The following RAPGEFL1 variants were observed in gnomAD, a reference collection of about 807,000 sequenced individuals.
The protein encoded by RAPGEFL1 is rap guanine nucleotide exchange factor-like 1.
Under a neutral mutation model 64.4 loss-of-function variants are expected in RAPGEFL1, and 31 were observed. That is an observed-to-expected ratio of 0.48 (90% CI 0.36 to 0.65). The LOEUF (loss-of-function observed/expected upper bound fraction) is 0.65. Among genes scored for constraint, RAPGEFL1 ranks in the 30% least tolerant of loss-of-function variants. The pLI, the probability that RAPGEFL1 is intolerant of heterozygous loss-of-function variation, is 0.00. For missense variants in RAPGEFL1, 682 were observed against 677.4 expected, an observed-to-expected ratio of 1.01 and a Z score of -0.08; for synonymous variants, 331 against 274.1, an observed-to-expected ratio of 1.21 and a Z score of -2.05.
Position 40,194,232 on chromosome 17 carries a change from C to CGTGT in RAPGEFL1, c.*499_*502dup, listed in dbSNP as rs56205991. ...GGGACCCCCAGGAATATTATGTTGC[C>CGTGT]GTGTGTGTGTGTGTGTGTGTGTGTG... On this transcript the variant is annotated 3_prime_UTR_variant, in exon 15 of 15. Transcript: ENST00000620260. 0.025 allele frequency: 3,067 copies of CGTGT among 125,034 alleles called. 118 individuals carry two copies. Among genetic ancestry groups the CGTGT allele is most frequent in the Non-Finnish European group, 0.027 (1,747 of 64,104 alleles). The allele number at this position is 125,034 out of a possible 1,614,324, so 7.7% of individuals were successfully genotyped here. A position where few individuals can be genotyped will look rare whatever the true frequency, so the allele number is the denominator to read the frequency against.
At chr17:40,190,365 A>G in intron 6 of RAPGEFL1, 69 bp from the exon 7 acceptor site, 1 of 1,348,640 alleles carries the variant, frequency 7.4e-7, no homozygotes, top group South Asian at 1.2e-5. Flanking sequence ...TGGATAGGAC[A>G]GTGTCAGTGT....
Position 40,191,287 on chromosome 17 carries a change from T to C in RAPGEFL1, c.1336-29T>C, listed in dbSNP as rs1471080164. 5 of 1,380,764 alleles carry C rather than the reference T, an allele frequency of 3.6e-6. No individual in the cohort carries two copies. The African/African-American group carries it at 7.5e-5, about 21-fold the overall frequency. 85.5% of individuals were successfully genotyped at this position (1,380,764 alleles called of 1,614,324 possible). A position where few individuals can be genotyped will look rare whatever the true frequency, so the allele number is the denominator to read the frequency against. On this transcript the variant is annotated intron_variant, in intron 8 of 14. Transcript: ENST00000620260. This position sits in a 1 kb window ranked among gnomAD's most constrained non-coding sequence, Gnocchi z 5.1. ...CCACTCCCCTCACCCCCTGGCGCCC[T>C]GGCCGCCCCTCCGCTGCCGTGGGTG... is the stretch of plus-strand genomic sequence containing the variant.
chr17:40,184,165 A>C, intron 2 of RAPGEFL1, 49 bp from the exon 3 acceptor site: 1 of 1,353,756 alleles, frequency 7.4e-7, no homozygotes, highest in African/African-American at 1.4e-5. Flanking sequence ...CTTTCTTCTC[A>C]ATTCCTCAGG....
In RAPGEFL1 at chr17:40,181,601, C is replaced by G. The variant is rs1372726955; in HGVS notation, c.521-15C>G. ...GTGCCCACCTGACATCTGTGGTGCC[C>G]ACTGATCTTTACAGATATCCTGCTG... On this transcript the variant is annotated splice_polypyrimidine_tract_variant and intron_variant, in intron 1 of 14. Transcript: ENST00000620260. 1 of 702,420 alleles carries G rather than the reference C, an allele frequency of 1.4e-6. No individual in the cohort carries two copies. The allele number at this position is 702,420 out of a possible 1,614,324, so 43.5% of individuals were successfully genotyped here.
chr17:40,193,756 C>T lies in RAPGEFL1; in HGVS notation c.1957C>T (p.Leu653Phe), dbSNP rs756840751. 1 of 1,614,106 alleles carries T rather than the reference C, an allele frequency of 6.2e-7. No homozygotes were observed. Among genetic ancestry groups the T allele is most frequent in the South Asian group, 1.1e-5 (1 of 91,074 alleles). Residue 653 changes from leucine (L) to phenylalanine (F), a missense_variant, in exon 15 of 15, where the codon CTC (leucine) becomes TTC (phenylalanine). Around this residue, in one of 2 missense-constraint regions of RAPGEFL1, gnomAD observed 411 missense variants for 519.4 expected, o/e 0.79. Coordinates refer to ENST00000620260, the MANE Select transcript of RAPGEFL1 (RefSeq NM_016339.6). ...CGACAACCAGAACCTCCTCTTCGAG[C>T]TCTCCTACAAGCTGGAGGCAAACAG... The part of the protein sequence containing the change: ...VIDNQNLLFE[L>F]SYKLEANSQ
At chr17:40,190,305 A>G in intron 6 of RAPGEFL1, 129 bp from the exon 7 acceptor site, 2 of 696,536 alleles carry the variant, frequency 2.9e-6, no homozygotes, top group South Asian at 1.7e-5. Flanking sequence ...AACTAGTGAT[A>G]AGATGAGTTC....
intron 13 of RAPGEFL1, 27 bp from the exon 14 acceptor site, chr17:40,193,336 C>G: frequency 1.9e-6 from 3 of 1,613,454 alleles, no homozygotes; most frequent in Non-Finnish European, 2.5e-6. Flanking sequence ...GTGCCCCTTT[C>G]AAGGCTCATT....
intron 6 of RAPGEFL1, 37 bp from the exon 7 acceptor site, chr17:40,190,397 G>A (rs375525301): frequency 3.8e-5 from 61 of 1,588,908 alleles, no homozygotes; most frequent in Non-Finnish European, 5.2e-5. Flanking sequence ...GGGTGCAGGC[G>A]GCAGGGGCCG....
At chr17:40,177,412 G>T (rs1324788542), upstream of RAPGEFL1, 2 of 690,390 alleles carry the variant, frequency 2.9e-6, no homozygotes, top group Non-Finnish European at 5.3e-6. Context: ...AGCCGAGGAA[G>T]GGTAGGGGCG....
chr17:40,183,103 A>G (rs181731526), intron 2 of RAPGEFL1, among the ~76,000 whole-genome samples: 57 of 152,260 alleles, frequency 3.7e-4, no homozygotes, highest in African/African-American at 1.3e-3. Context: ...AGCTGAGATC[A>G]TGCCATTGCA....
At chr17:40,192,533 G>C in intron 11 of RAPGEFL1, 73 bp from the exon 12 acceptor site, 1 of 1,303,420 alleles carries the variant, frequency 7.7e-7, no homozygotes, top group South Asian at 1.2e-5. Flanking sequence ...CAGGGGGTGA[G>C]GGAGGAAGCT....
At position 40,191,201 on chromosome 17, in the gene RAPGEFL1, C is replaced by T; in HGVS notation, c.1336-115C>T. 1.1e-6 allele frequency: 1 copy of T among 932,516 alleles called. No individual in the cohort carries two copies. Among genetic ancestry groups the T allele is most frequent in the Admixed American group, 3.2e-5 (1 of 31,366 alleles). 57.8% of individuals were successfully genotyped at this position (932,516 alleles called of 1,614,324 possible). The stretch of plus-strand genomic sequence containing the variant: ...TCCTTTCTATTTTTCTATTTTCCAC[C>T]CCTTCCGCCCCCGCCCTCCTGCCTT... On this transcript the variant is annotated intron_variant, in intron 8 of 14. Coordinates refer to ENST00000620260, the MANE Select transcript of RAPGEFL1 (RefSeq NM_016339.6). The surrounding 1 kb of genome is among the most constrained non-coding windows in gnomAD (Gnocchi z 5.1).
intron 2 of RAPGEFL1, 82 bp downstream of exon 2, chr17:40,181,776 C>T (rs60837751): frequency 5.8e-6 from 4 of 686,960 alleles, no homozygotes; most frequent in African/African-American, 5.3e-5. Flanking sequence ...AGAGCCTAAA[C>T]TCTCCCCTAG....
chr17:40,186,562 G>C (rs1377723869), intron 4 of RAPGEFL1, among the ~76,000 whole-genome samples: 2 of 109,892 alleles, frequency 1.8e-5, no homozygotes, highest in East Asian at 6.4e-4. Flanking sequence ...GCGACAGAGC[G>C]AGACTCCGTC....
intron 2 of RAPGEFL1, 75 bp from the exon 3 acceptor site, chr17:40,184,139 C>A: frequency 8.8e-7 from 1 of 1,142,846 alleles, no homozygotes; most frequent in South Asian, 1.2e-5. Flanking sequence ...CCACTGCGCC[C>A]AGCCTAGCCT....
At chr17:40,182,622 A>G (rs762552704) in intron 2 of RAPGEFL1, among the ~76,000 whole-genome samples, 8 of 152,198 alleles carry the variant, frequency 5.3e-5, no homozygotes, top group African/African-American at 1.4e-4. Flanking sequence ...CCAAGGTGTT[A>G]TTATTCTACT....
Position 40,193,348 on chromosome 17 carries a change from C to G in RAPGEFL1, c.1810-15C>G, listed in dbSNP as rs772776938. 1.2e-6 allele frequency: 2 copies of G among 1,614,022 alleles called. No homozygotes were observed. The highest frequency in any genetic ancestry group is 2.7e-5 in the African/African-American group (2 of 74,922). ...TCTGTGCCCCTTTCAAGGCTCATTC[C>G]TTGTCATCTCCCAGCATTCAGTGGC... is the stretch of plus-strand genomic sequence containing the variant. On this transcript the variant is annotated splice_polypyrimidine_tract_variant and intron_variant, in intron 13 of 14. Transcript: ENST00000620260.
rs778716992 is a variant in RAPGEFL1 at position 40,191,542 on chromosome 17, C to G, written c.1515-40C>G. 5.1e-6 allele frequency: 8 copies of G among 1,553,656 alleles called. No homozygotes were observed. Among genetic ancestry groups the G allele is most frequent in the South Asian group, 2.4e-5 (2 of 84,624 alleles). The stretch of plus-strand genomic sequence containing the variant: ...TGGGGGGCCGGAGGCCGGAGGCCCG[C>G]GCCGCCGCCCGCCCCTGACCCCGCC... On this transcript the variant is annotated intron_variant, in intron 9 of 14. Transcript: ENST00000620260. The surrounding 1 kb of genome is among the most constrained non-coding windows in gnomAD (Gnocchi z 5.1).
At chr17:40,186,958 A>T (rs151324554) in intron 4 of RAPGEFL1, among the ~76,000 whole-genome samples, 14 of 150,622 alleles carry the variant, frequency 9.3e-5, no homozygotes, top group Non-Finnish European at 1.5e-4. Context: ...AACTTATTTG[A>T]TTATAAATTT....
Sources: gnomAD v4.1 joint callset for allele counts (sites outside exome capture counted in the v4.1 genomes callset) on GRCh38, gnomAD v4.1.1 for gene constraint, gnomAD v4.1.1 regional missense constraint, Gnocchi (gnomAD v3.1) non-coding constraint, MANE v1.5 for transcripts, NCBI Gene and HGNC (gene_info 2026-07-23, HGNC 2026-07-21) for gene names.